BTBD2: variants seen among roughly 807,000 people sequenced by gnomAD.
BTBD2 encodes the protein BTB domain containing 2.
BTBD2 carries 15 observed loss-of-function variants against 44.0 expected under a neutral mutation model. The observed-to-expected ratio is 0.34, with a 90% CI of 0.23 to 0.53. The LOEUF (loss-of-function observed/expected upper bound fraction) is 0.53. Ranked by LOEUF, BTBD2 falls within the 20% of genes least tolerant of loss-of-function variation. The pLI is 0.95. For synonymous variants in BTBD2, 443 were observed against 335.9 expected, an observed-to-expected ratio of 1.32 and a Z score of -3.49; for missense variants, 657 against 746.4, an observed-to-expected ratio of 0.88 and a Z score of 1.39.
intron 1 of BTBD2, among the ~76,000 whole-genome samples, chr19:1,998,727 C>T (rs966991565): frequency 6.6e-6 from 1 of 152,132 alleles, no homozygotes; most frequent in African/African-American, 2.4e-5. Flanking sequence ...CAGGGCCTGC[C>T]CACACGATGG....
In BTBD2 at chr19:2,015,672, G is replaced by A. The variant is rs2016527303; in HGVS notation, c.32C>T (p.Ser11Leu). 5.0e-6 allele frequency: 5 copies of A among 992,350 alleles called. No homozygotes were observed. The highest frequency in any genetic ancestry group is 6.0e-6 in the Non-Finnish European group (5 of 838,854). The allele number at this position is 992,350 out of a possible 1,614,324, so 61.5% of individuals were successfully genotyped here. MAAGGSGGRA[S>L]CPPGVGVGPG... The stretch of plus-strand genomic sequence containing the variant: ...GCCGACCCCGACCCCCGGCGGGCAC[G>A]ACGCACGCCCGCCGCTCCCACCCGC... The change falls in exon 1 of 9, where the codon TCG becomes TTG. Residue 11 changes from serine (S) to leucine (L), a missense_variant. Ser to Leu is a moderately radical substitution (Grantham distance 145). Around this residue, in one of 3 missense-constraint regions of BTBD2, gnomAD observed 191 missense variants for 188.5 expected, o/e 1.01. Transcript: ENST00000255608.
intron 2 of BTBD2, among the ~76,000 whole-genome samples, chr19:1,995,246 T>G (rs1244093952): frequency 6.9e-6 from 1 of 144,242 alleles, no homozygotes; most frequent in Non-Finnish European, 1.5e-5. Context: ...GGATTACAGG[T>G]GTGAGCCACC....
intron 1 of BTBD2, among the ~76,000 whole-genome samples, chr19:2,015,033 G>A (rs2016514982): frequency 6.6e-6 from 1 of 151,218 alleles, no homozygotes; most frequent in East Asian, 1.9e-4. Context: ...TGCAGGCCGG[G>A]TCGGTTTCAG....
intron 1 of BTBD2, among the ~76,000 whole-genome samples, chr19:2,014,867 G>A (rs1322045926): frequency 6.6e-6 from 1 of 151,078 alleles, no homozygotes; most frequent in South Asian, 2.1e-4. Flanking sequence ...GCCAGAGGTG[G>A]AGGATCCAGG....
chr19:1,995,965 T>A (rs1175327137), intron 2 of BTBD2, among the ~76,000 whole-genome samples: 1 of 152,050 alleles, frequency 6.6e-6, no homozygotes, highest in Non-Finnish European at 1.5e-5. Flanking sequence ...TGGACTTTGA[T>A]CTATTTGAGT....
chr19:2,010,629 C>T (rs985027161), intron 1 of BTBD2, among the ~76,000 whole-genome samples: 4 of 151,898 alleles, frequency 2.6e-5, no homozygotes, highest in Non-Finnish European at 5.9e-5. Context: ...CAGTTCGTCC[C>T]GACATCCCCC....
At position 1,986,659 on chromosome 19, in the gene BTBD2, A is replaced by T. The variant is rs781418373; in HGVS notation, c.1417-10T>A. The T allele has an allele frequency of 6.2e-7, 1 of 1,613,046 alleles. No individual in the cohort carries two copies. Among genetic ancestry groups the T allele is most frequent in the Non-Finnish European group, 8.5e-7 (1 of 1,179,388 alleles). On this transcript the variant is annotated splice_polypyrimidine_tract_variant and intron_variant, in intron 8 of 8. Transcript: ENST00000255608. The stretch of plus-strand genomic sequence containing the variant: ...AGTGGGAGTCTGGGCCCTGTAGGGA[A>T]TAGGGGTACAGTGAGGTCAAGGACC...
intron 4 of BTBD2, 140 bp from the exon 5 acceptor site, chr19:1,990,341 G>A: frequency 1.1e-6 from 1 of 872,714 alleles, no homozygotes; most frequent in Non-Finnish European, 1.8e-6. Context: ...CCCTGTGAGT[G>A]TGTTTATAAA....
chr19:2,001,058 C>T (rs970486662), intron 1 of BTBD2, among the ~76,000 whole-genome samples: 6 of 151,270 alleles, frequency 4.0e-5, no homozygotes, highest in African/African-American at 9.7e-5. Context: ...CTGAGGCGGG[C>T]GGCTCACCTA....
intron 1 of BTBD2, among the ~76,000 whole-genome samples, chr19:2,008,031 T>G (rs1298734470): frequency 6.6e-6 from 1 of 150,906 alleles, no homozygotes; most frequent in Non-Finnish European, 1.5e-5. Flanking sequence ...TGAGACAGAA[T>G]TTTACTCTTT....
In BTBD2 at chr19:2,008,673, C is replaced by T. The variant is rs567457079; in HGVS notation, c.407+6624G>A. On this transcript the variant is annotated intron_variant, in intron 1 of 8. Transcript: ENST00000255608. Reference sequence around the variant, plus strand: ...GTGGTAGGATCATGGCTCACTGCAGCGGCAACCTCCCAGGCTCAGGTGATC... The same window carrying T: ...GTGGTAGGATCATGGCTCACTGCAGTGGCAACCTCCCAGGCTCAGGTGATC... Among the ~76,000 whole-genome samples the T allele has an allele frequency of 6.0e-5, 9 of 148,786 alleles. No homozygotes were observed. The East Asian group carries it at 1.0e-3, about 16-fold the overall frequency.
intron 5 of BTBD2, chr19:1,989,417 G>C (rs73527324): frequency 6.4e-6 from 1 of 155,828 alleles, no homozygotes. Context: ...AAGCAAGAGC[G>C]GGGGCCGCGT....
chr19:1,999,968 CAAAA>C (rs5826753), intron 1 of BTBD2, among the ~76,000 whole-genome samples: 6 of 104,874 alleles, frequency 5.7e-5, no homozygotes, highest in Admixed American at 9.8e-5. Flanking sequence ...GACTCCACCT[CAAAA>C]AAAAAAAAAA....
chr19:2,015,041 C>G (rs1170734485), intron 1 of BTBD2, among the ~76,000 whole-genome samples: 1 of 147,792 alleles, frequency 6.8e-6, no homozygotes, highest in Non-Finnish European at 1.5e-5. Flanking sequence ...GGGTCGGTTT[C>G]AGGACCGGAG....
chr19:1,994,384 C>G (rs534253992), intron 2 of BTBD2, among the ~76,000 whole-genome samples: 7 of 152,138 alleles, frequency 4.6e-5, no homozygotes, highest in Non-Finnish European at 7.4e-5. Flanking sequence ...AATCCCAGCA[C>G]GTTGGGAGGC....
intron 3 of BTBD2, 69 bp downstream of exon 3, chr19:1,992,951 T>G: frequency 7.6e-6 from 2 of 263,600 alleles, no homozygotes; most frequent in Non-Finnish European, 1.1e-5. Flanking sequence ...CCAGCCTCGG[T>G]CCGCCCCACC....
At chr19:1,997,221 A>G in intron 2 of BTBD2, 123 bp downstream of exon 2, 2 of 1,431,462 alleles carry the variant, frequency 1.4e-6, no homozygotes, top group Non-Finnish European at 9.4e-7. Context: ...CTCATTGCAC[A>G]GGAACGTTCT....
chr19:1,995,915 A>G (rs2016245751), intron 2 of BTBD2, among the ~76,000 whole-genome samples: 1 of 152,106 alleles, frequency 6.6e-6, no homozygotes, highest in Admixed American at 6.6e-5. Context: ...TCAGCCTCCC[A>G]AAGTACTGGG....
At chr19:2,000,623 C>G (rs1232712177) in intron 1 of BTBD2, among the ~76,000 whole-genome samples, 2 of 152,174 alleles carry the variant, frequency 1.3e-5, no homozygotes, top group Non-Finnish European at 2.9e-5. Context: ...ACCGCTACTG[C>G]CTCCTCTGCC....
Sources: allele counts gnomAD v4.1 joint callset (sites outside exome capture counted in the v4.1 genomes callset), GRCh38; gene constraint gnomAD v4.1.1; regional missense constraint gnomAD v4.1.1; transcripts MANE v1.5; gene names NCBI Gene and HGNC (gene_info 2026-07-23, HGNC 2026-07-21).